The following LARP1B variants were observed in gnomAD, a reference collection of about 807,000 sequenced individuals.
LARP1B encodes the protein la-related protein 1B.
Under a neutral mutation model 114.2 loss-of-function variants are expected in LARP1B, and 76 were observed. That is an observed-to-expected ratio of 0.67 (90% CI 0.55 to 0.81). The LOEUF is 0.81. LARP1B is among the 30% of genes least tolerant of loss of function. LARP1B has a pLI of 0.00. For synonymous variants in LARP1B, 345 were observed against 348.0 expected, an observed-to-expected ratio of 0.99 and a Z score of 0.10; for missense variants, 1,014 against 1,075.8, an observed-to-expected ratio of 0.94 and a Z score of 0.80.
intron 15 of LARP1B, among the ~76,000 whole-genome samples, chr4:128,185,669 G>A (rs1431688109): frequency 6.6e-6 from 1 of 151,818 alleles, no homozygotes; most frequent in Non-Finnish European, 1.5e-5. Context: ...TTCATGTGCT[G>A]TGCAGAAACT....
In LARP1B at chr4:128,106,062, T is replaced by C. The variant is rs910407658; in HGVS notation, c.814-1077T>C. ...TTTTTTGAGATGGAATCTTGCTCTG[T>C]CTCCAGGCTGGAGTCCAGTGGCGCC... On this transcript the variant is annotated intron_variant, in intron 8 of 19. Coordinates refer to ENST00000326639, the MANE Select transcript of LARP1B (RefSeq NM_018078.4). 5.8e-4 allele frequency among the ~76,000 whole-genome samples: 88 copies of C among 151,974 alleles called. 1 individual carries two copies. The highest frequency in any genetic ancestry group is 1.2e-3 in the Non-Finnish European group (81 of 67,966).
At chr4:128,145,640 A>G (rs1404465051) in intron 11 of LARP1B, among the ~76,000 whole-genome samples, 1 of 152,064 alleles carries the variant, frequency 6.6e-6, no homozygotes. Context: ...CTAAAGCACT[A>G]CCTTCTCAGC....
chr4:128,096,745 C>T (rs561942141), intron 7 of LARP1B, among the ~76,000 whole-genome samples: 65 of 152,030 alleles, frequency 4.3e-4, no homozygotes, highest in Non-Finnish European at 7.8e-4. Flanking sequence ...GGACTACAGG[C>T]GCCTGCCACC....
At chr4:128,127,755 C>T (rs1020975705) in intron 11 of LARP1B, among the ~76,000 whole-genome samples, 1 of 152,114 alleles carries the variant, frequency 6.6e-6, no homozygotes, top group Non-Finnish European at 1.5e-5. Context: ...ATTGCTTGAA[C>T]CCCGGGAGGT....
chr4:128,130,456 T>C (rs1394780039), intron 11 of LARP1B, among the ~76,000 whole-genome samples: 1 of 152,040 alleles, frequency 6.6e-6, no homozygotes, highest in Admixed American at 6.5e-5. Context: ...ACATCAAATA[T>C]CATTAGGGAG....
chr4:128,205,290 A>G (rs1757265835), intron 17 of LARP1B, among the ~76,000 whole-genome samples: 1 of 152,234 alleles, frequency 6.6e-6, no homozygotes, highest in South Asian at 2.1e-4. Flanking sequence ...AAGAGGTTGT[A>G]ACCTTTCTGC....
At chr4:128,120,219 A>AATGAAT (rs1483361238) in intron 10 of LARP1B, among the ~76,000 whole-genome samples, 8 of 152,270 alleles carry the variant, frequency 5.3e-5, no homozygotes, top group African/African-American at 1.9e-4. Flanking sequence ...TTATCGACTA[A>AATGAAT]ATGAATATGG....
At chr4:128,108,141 C>A (rs545211067) in intron 9 of LARP1B, 2 of 1,296,066 alleles carry the variant, frequency 1.5e-6, no homozygotes, top group African/African-American at 3.0e-5. Context: ...ATAGGAGCTG[C>A]CTATTTCTGT....
At chr4:128,207,456 G>A (rs558705068) in intron 19 of LARP1B, 73 bp downstream of exon 19, 2 of 1,056,576 alleles carry the variant, frequency 1.9e-6, no homozygotes, top group East Asian at 5.8e-5. Flanking sequence ...GACTTTTTAA[G>A]CTTTAATTTT....
At chr4:128,089,162 T>C (rs933899453) in intron 5 of LARP1B, among the ~76,000 whole-genome samples, 1 of 152,044 alleles carries the variant, frequency 6.6e-6, no homozygotes, top group Non-Finnish European at 1.5e-5. Flanking sequence ...GTGGTGGTCA[T>C]GGATGATGCC....
rs1205212621 is a variant in LARP1B, at chr4:128,210,061, T to C, written c.*8T>C. 6.2e-7 allele frequency: 1 copy of C among 1,613,918 alleles called. No homozygotes were observed. The highest frequency in any genetic ancestry group is 1.3e-5 in the African/African-American group (1 of 75,052). ...AGTGACAATTCACATTAAACAGTGC[T>C]GCCTGTGTCCTGTGGTCTCAAGAAA... On this transcript the variant is annotated 3_prime_UTR_variant, in exon 20 of 20. Coordinates refer to ENST00000326639, the MANE Select transcript of LARP1B (RefSeq NM_018078.4).
chr4:128,127,513 C>T (rs993615686), intron 11 of LARP1B, among the ~76,000 whole-genome samples: 1 of 152,032 alleles, frequency 6.6e-6, no homozygotes, highest in African/African-American at 2.4e-5. Flanking sequence ...TTCAGGAATC[C>T]ATAGTAGTCA....
rs535749751 is a variant in LARP1B at position 128,127,193 on chromosome 4, T to A, written c.1524+5005T>A. Among the ~76,000 whole-genome samples the A allele has an allele frequency of 7.2e-5, 11 of 152,222 alleles. No individual in the cohort carries two copies. The South Asian group carries it at 2.3e-3, about 32-fold the overall frequency. On this transcript the variant is annotated intron_variant, in intron 11 of 19. Transcript: ENST00000326639. ...AGAAATGGCCACCAGCAGAGTCTCA[T>A]GAAAGAAAGTCCCAAAGGGTAGAAT...
At chr4:128,138,292 T>G (rs1726350940) in intron 11 of LARP1B, among the ~76,000 whole-genome samples, 1 of 152,144 alleles carries the variant, frequency 6.6e-6, no homozygotes. Flanking sequence ...ATACAGAAAT[T>G]TTAAAATGTA....
intron 11 of LARP1B, among the ~76,000 whole-genome samples, chr4:128,140,244 T>C (rs1482656216): frequency 1.3e-5 from 2 of 152,216 alleles, no homozygotes. Context: ...TGTAATAATG[T>C]AGCAGAATAA....
At chr4:128,150,731 GA>G (rs908873388) in intron 11 of LARP1B, among the ~76,000 whole-genome samples, 16 of 149,944 alleles carry the variant, frequency 1.1e-4, no homozygotes, top group African/African-American at 3.7e-4. Flanking sequence ...TCTGTCTTGG[GA>G]AAAAAAAATA....
At chr4:128,116,921 GTTT>G (rs5861843) in intron 10 of LARP1B, among the ~76,000 whole-genome samples, 2 of 136,896 alleles carry the variant, frequency 1.5e-5, no homozygotes, top group East Asian at 4.2e-4. Flanking sequence ...TTCCTCTTGA[GTTT>G]TTTTTTTTTT....
intron 15 of LARP1B, among the ~76,000 whole-genome samples, chr4:128,184,079 T>C (rs1216324051): frequency 6.6e-6 from 1 of 152,216 alleles, no homozygotes; most frequent in Non-Finnish European, 1.5e-5. Context: ...CTGGTGAAGA[T>C]TCTGTGAACA....
intron 12 of LARP1B, among the ~76,000 whole-genome samples, chr4:128,170,872 C>CTTTTTTTTTTTTTTTTTTCTTTTT: frequency 1.1e-5 from 1 of 95,016 alleles, no homozygotes; most frequent in Non-Finnish European, 2.2e-5. Context: ...TTTTTCTTTT[C>CTTTTTTTTTTTTTTTTTTCTTTTT]TTTTTTTTTT....
Sources: allele counts gnomAD v4.1 joint callset (sites outside exome capture counted in the v4.1 genomes callset), GRCh38; gene constraint gnomAD v4.1.1; transcripts MANE v1.5; gene names NCBI Gene and HGNC (gene_info 2026-07-23, HGNC 2026-07-21).